The following PEX5L variants were observed in gnomAD, a reference collection of about 807,000 sequenced individuals.
PEX5L encodes PEX5-related protein.
In PEX5L, 30 loss-of-function variants were observed where a neutral mutation model predicts 84.0. The ratio of observed to expected loss-of-function variants is 0.36; its 90% confidence interval spans 0.27 to 0.48. The LOEUF (loss-of-function observed/expected upper bound fraction) is 0.48, where lower values mean the gene tolerates loss of function less well. PEX5L is among the 20% of genes least tolerant of loss of function. The pLI is 0.99. For synonymous variants in PEX5L, 270 were observed against 283.1 expected (o/e 0.95, Z 0.46); for missense variants, 533 against 754.6 (o/e 0.71, Z 3.44).
chr3:179,874,401 G>C lies in PEX5L; in HGVS notation c.652C>G (p.Pro218Ala), dbSNP rs768469747. 6.2e-7 allele frequency: 1 copy of C among 1,609,944 alleles called. No homozygotes were observed. Among genetic ancestry groups the C allele is most frequent in the Non-Finnish European group, 8.5e-7 (1 of 1,176,742 alleles). ...LLWSSEHRSQ[P>A]ELSGGKSALN... ...GCGCTTTTTCCACCACTCAGTTCTG[G>C]TTGAGATCTGTGTTCTGAGGACCTA... Residue 218 changes from proline to alanine, a missense_variant, in exon 7 of 15, where the codon CCA becomes GCA. Physicochemically the swap from Pro to Ala is conservative, Grantham distance 27 (BLOSUM62 -1). This residue lies in a region of PEX5L where 259 missense variants were observed against 301.7 expected (regional missense o/e 0.86). Transcript: ENST00000467460.
At chr3:179,928,057 T>G (rs1337621163) in intron 2 of PEX5L, among the ~76,000 whole-genome samples, 1 of 152,226 alleles carries the variant, frequency 6.6e-6, no homozygotes, top group Non-Finnish European at 1.5e-5. Flanking sequence ...CAGGTCTTGT[T>G]TCCCCACTTT....
intron 1 of PEX5L, among the ~76,000 whole-genome samples, chr3:179,993,731 G>A (rs1218286591): frequency 6.6e-6 from 1 of 152,034 alleles, no homozygotes; most frequent in Non-Finnish European, 1.5e-5. Context: ...TCTAACTCCT[G>A]AGCTCAAGTG....
chr3:179,925,425 T>A (rs564353823), intron 2 of PEX5L, among the ~76,000 whole-genome samples: 2 of 152,346 alleles, frequency 1.3e-5, no homozygotes, highest in South Asian at 4.1e-4. Context: ...CACATATTTT[T>A]ATCCTATCCT....
At chr3:179,902,469 A>G (rs1034267075) in intron 2 of PEX5L, among the ~76,000 whole-genome samples, 4 of 152,206 alleles carry the variant, frequency 2.6e-5, no homozygotes, top group African/African-American at 9.6e-5. Context: ...AATGGTCAAT[A>G]ACTTCACTCA....
intron 1 of PEX5L, among the ~76,000 whole-genome samples, chr3:179,989,898 C>T (rs534538597): frequency 1.1e-4 from 16 of 152,278 alleles, no homozygotes; most frequent in Middle Eastern, 3.4e-3. Flanking sequence ...TTATTTTATA[C>T]CATAAAATCA....
intron 2 of PEX5L, among the ~76,000 whole-genome samples, chr3:179,920,806 G>A (rs1769098986): frequency 2.0e-5 from 3 of 152,136 alleles, no homozygotes; most frequent in South Asian, 2.1e-4. Context: ...ATAAATGCTC[G>A]GAAAGTATTT....
intron 2 of PEX5L, among the ~76,000 whole-genome samples, chr3:179,964,998 T>A (rs1418237100): frequency 6.6e-6 from 1 of 152,256 alleles, no homozygotes; most frequent in Non-Finnish European, 1.5e-5. Context: ...GGCCATAGCC[T>A]GTTTTCACTC....
chr3:179,994,975 GTTAATAC>G (rs949721471), intron 1 of PEX5L, among the ~76,000 whole-genome samples: 8 of 151,186 alleles, frequency 5.3e-5, no homozygotes, highest in African/African-American at 1.9e-4. Context: ...GATTGTGTGA[GTTAATAC>G]TTAATAAACT....
chr3:179,798,190 A>AAGTG lies in PEX5L; in HGVS notation c.*3634_*3637dup, dbSNP rs1717786257. 6.6e-6 allele frequency: 1 copy of AAGTG among 152,184 alleles called. No homozygotes were observed. Among genetic ancestry groups the AAGTG allele is most frequent in the Non-Finnish European group, 1.5e-5 (1 of 68,026 alleles). 9.4% of individuals were successfully genotyped at this position (152,184 alleles called of 1,614,324 possible). A position where few individuals can be genotyped will look rare whatever the true frequency, so the allele number is the denominator to read the frequency against. On this transcript the variant is annotated 3_prime_UTR_variant, in exon 15 of 15. Transcript: ENST00000467460. ...TGAGGAAAGTGGCATGAAACTCTAAAAGTGAGTTTGTGAAACGTAAGTGGA... is the reference window on the plus strand; with the variant it reads ...TGAGGAAAGTGGCATGAAACTCTAAAAGTGAGTGAGTTTGTGAAACGTAAGTGGA...
At chr3:179,897,390 T>A (rs1433888277) in intron 3 of PEX5L, among the ~76,000 whole-genome samples, 1 of 152,178 alleles carries the variant, frequency 6.6e-6, no homozygotes, top group East Asian at 1.9e-4. Flanking sequence ...ATGAGTACAT[T>A]ATACATATTT....
intron 2 of PEX5L, among the ~76,000 whole-genome samples, chr3:179,958,442 G>A (rs1330613257): frequency 6.6e-6 from 1 of 152,220 alleles, no homozygotes; most frequent in East Asian, 1.9e-4. Flanking sequence ...ACATGGTGAA[G>A]TTGTTGGGAG....
chr3:179,811,176 G>A (rs933534515), intron 11 of PEX5L, among the ~76,000 whole-genome samples: 1 of 151,770 alleles, frequency 6.6e-6, no homozygotes, highest in African/African-American at 2.4e-5. Flanking sequence ...CATTATGTAT[G>A]TACATTCATA....
chr3:179,921,347 T>C (rs1439842249), intron 2 of PEX5L, among the ~76,000 whole-genome samples: 4 of 152,146 alleles, frequency 2.6e-5, no homozygotes, highest in African/African-American at 7.2e-5. Flanking sequence ...AACATCATCA[T>C]GTAAATCAAA....
intron 8 of PEX5L, among the ~76,000 whole-genome samples, chr3:179,844,259 C>A (rs754388831): frequency 6.6e-6 from 1 of 152,152 alleles, no homozygotes; most frequent in Non-Finnish European, 1.5e-5. Context: ...TTACTTGATC[C>A]AAATAACCAC....
chr3:179,802,075 A>G (rs1357357211), intron 14 of PEX5L, 43 bp from the exon 15 acceptor site: 2 of 1,375,446 alleles, frequency 1.5e-6, no homozygotes, highest in Admixed American at 3.4e-5. Flanking sequence ...GTCACATTTC[A>G]GAGTTAGCAA....
intron 4 of PEX5L, among the ~76,000 whole-genome samples, chr3:179,885,409 G>T (rs1755513212): frequency 6.6e-6 from 1 of 152,118 alleles, no homozygotes; most frequent in African/African-American, 2.4e-5. Flanking sequence ...CACCTTGGGA[G>T]GCCAAAGTGG....
At chr3:179,957,348 T>C (rs1465967218) in intron 2 of PEX5L, among the ~76,000 whole-genome samples, 1 of 151,960 alleles carries the variant, frequency 6.6e-6, no homozygotes, top group East Asian at 1.9e-4. Context: ...CATTAACAGG[T>C]AAGGCTCAGG....
chr3:179,957,387 G>A (rs1297854234), intron 2 of PEX5L, among the ~76,000 whole-genome samples: 2 of 152,130 alleles, frequency 1.3e-5, no homozygotes, highest in African/African-American at 2.4e-5. Context: ...GCTTTTGGGA[G>A]GATCACAGAA....
chr3:179,866,084 T>C (rs1019808862), intron 7 of PEX5L, among the ~76,000 whole-genome samples: 1 of 152,144 alleles, frequency 6.6e-6, no homozygotes, highest in African/African-American at 2.4e-5. Flanking sequence ...GAAGAAAGCA[T>C]TAAGTTCCCC....
Sources: gnomAD v4.1 joint callset for allele counts (sites outside exome capture counted in the v4.1 genomes callset) on GRCh38, gnomAD v4.1.1 for gene constraint, gnomAD v4.1.1 regional missense constraint, MANE v1.5 for transcripts, NCBI Gene and HGNC (gene_info 2026-07-23, HGNC 2026-07-21) for gene names.